The following MTHFD2L variants were observed in gnomAD, a reference collection of about 807,000 sequenced individuals.
MTHFD2L encodes methylenetetrahydrofolate dehydrogenase (NADP+ dependent) 2 like, also known as bifunctional methylenetetrahydrofolate dehydrogenase/cyclohydrolase 2, mitochondrial.
Under a neutral mutation model 34.9 loss-of-function variants are expected in MTHFD2L, and 29 were observed. The observed-to-expected ratio is 0.83, with a 90% CI of 0.62 to 1.13. MTHFD2L has a LOEUF of 1.13. Among genes scored for constraint, MTHFD2L ranks in the 50% most tolerant of loss-of-function variants. MTHFD2L has a pLI of 0.00. For synonymous variants in MTHFD2L, 167 were observed against 155.7 expected (o/e 1.07, Z -0.54); for missense variants, 481 against 446.5 (o/e 1.08, Z -0.70).
intron 3 of MTHFD2L, among the ~76,000 whole-genome samples, chr4:74,196,466 A>G (rs1316766565): frequency 6.6e-6 from 1 of 152,174 alleles, no homozygotes; most frequent in Non-Finnish European, 1.5e-5. Flanking sequence ...AAGCTAAAGG[A>G]CACAATGTTT....
At chr4:74,156,150 T>C (rs1338865600), upstream of MTHFD2L, among the ~76,000 whole-genome samples, 1 of 152,156 alleles carries the variant, frequency 6.6e-6, no homozygotes, top group Non-Finnish European at 1.5e-5. Context: ...TTTTGACAAA[T>C]GCATAGTGTC....
intron 6 of MTHFD2L, among the ~76,000 whole-genome samples, chr4:74,242,940 T>C (rs1003733671): frequency 2.6e-5 from 4 of 152,236 alleles, no homozygotes; most frequent in South Asian, 2.1e-4. Context: ...TCTCTCCTAA[T>C]GTATAACATT....
At chr4:74,160,046 C>T in intron 1 of MTHFD2L, 1 of 1,284,452 alleles carries the variant, frequency 7.8e-7, no homozygotes, top group Non-Finnish European at 1.0e-6. Flanking sequence ...TGTCTCTTTT[C>T]TCTTCTAGGA....
At chr4:74,135,444 T>C (rs1001492986) in intron 1 of MTHFD2L, among the ~76,000 whole-genome samples, 3 of 152,062 alleles carry the variant, frequency 2.0e-5, no homozygotes, top group African/African-American at 7.2e-5. Flanking sequence ...CTACCAATAT[T>C]GAACCATCAA....
chr4:74,175,236 A>T (rs772394733), intron 2 of MTHFD2L, 45 bp from the exon 3 acceptor site: 1 of 1,595,554 alleles, frequency 6.3e-7, no homozygotes, highest in Non-Finnish European at 8.5e-7. Context: ...ATGAAAAACC[A>T]TATTCAGTTA....
chr4:74,121,070 A>G (rs1055849514), upstream of MTHFD2L, among the ~76,000 whole-genome samples: 20 of 152,212 alleles, frequency 1.3e-4, no homozygotes, highest in African/African-American at 4.8e-4. Flanking sequence ...ATTAGCAAAG[A>G]TTTTGAAAAA....
chr4:74,187,517 A>G (rs1373960158), intron 3 of MTHFD2L, among the ~76,000 whole-genome samples: 1 of 152,234 alleles, frequency 6.6e-6, no homozygotes, highest in Non-Finnish European at 1.5e-5. Flanking sequence ...TAGATGTTCA[A>G]CATCATTAGT....
chr4:74,117,578 G>T (rs1721676782), intron 2 of MTHFD2L, among the ~76,000 whole-genome samples: 1 of 152,162 alleles, frequency 6.6e-6, no homozygotes, highest in South Asian at 2.1e-4. Context: ...TTATATGCAG[G>T]ATCTATATAT....
chr4:74,214,694 C>T (rs930759763), intron 5 of MTHFD2L, among the ~76,000 whole-genome samples: 2 of 151,816 alleles, frequency 1.3e-5, no homozygotes, highest in African/African-American at 4.9e-5. Context: ...GGTCAGGGAT[C>T]CACTTGAGGA....
At chr4:74,287,404 G>C (rs2110295872) in intron 7 of MTHFD2L, among the ~76,000 whole-genome samples, 1 of 152,174 alleles carries the variant, frequency 6.6e-6, no homozygotes, top group Non-Finnish European at 1.5e-5. Flanking sequence ...TTATACTTGA[G>C]TATAGGTGAA....
chr4:74,169,971 A>G (rs911377868), intron 1 of MTHFD2L, among the ~76,000 whole-genome samples: 1 of 152,216 alleles, frequency 6.6e-6, no homozygotes, highest in African/African-American at 2.4e-5. Flanking sequence ...ATATTAAGGA[A>G]TTTAAGTTTG....
chr4:74,254,416 C>T lies in MTHFD2L; in HGVS notation c.806-27009C>T, dbSNP rs146982978. 5.3e-5 allele frequency among the ~76,000 whole-genome samples: 8 copies of T among 152,112 alleles called. No individual in the cohort carries two copies. The South Asian group carries it at 6.2e-4, about 12-fold the overall frequency. On this transcript the variant is annotated intron_variant, in intron 6 of 7. Coordinates refer to ENST00000325278, the MANE Select transcript of MTHFD2L (RefSeq NM_001144978.3). ...GTGAATCATCTTAAACAAGAGAACCCGCATAAGATTTCTCAGCAGTGGATT... is the reference window on the plus strand; with the variant it reads ...GTGAATCATCTTAAACAAGAGAACCTGCATAAGATTTCTCAGCAGTGGATT...
At chr4:74,170,879 CA>C (rs751501754) in intron 1 of MTHFD2L, among the ~76,000 whole-genome samples, 1 of 145,474 alleles carries the variant, frequency 6.9e-6, no homozygotes, top group African/African-American at 2.5e-5. Flanking sequence ...ATCGCAAGGA[CA>C]AAAAACCAAA....
intron 1 of MTHFD2L, among the ~76,000 whole-genome samples, chr4:74,172,147 G>A (rs1236603616): frequency 6.6e-6 from 1 of 152,160 alleles, no homozygotes; most frequent in African/African-American, 2.4e-5. Flanking sequence ...GAGGTCAATG[G>A]TTGCCTGGAA....
At chr4:74,181,842 G>A (rs1380617848) in intron 3 of MTHFD2L, 1 of 152,008 alleles carries the variant, frequency 6.6e-6, no homozygotes, top group Non-Finnish European at 1.5e-5. Context: ...TAAAATAATC[G>A]AATAATTAGT....
chr4:74,144,400 C>T lies in MTHFD2L; in HGVS notation c.-296-15655C>T, dbSNP rs981781913. Among the ~76,000 whole-genome samples, 6 of 152,272 alleles carry T rather than the reference C, an allele frequency of 3.9e-5. No homozygotes were observed. The East Asian group carries it at 1.2e-3, about 29-fold the overall frequency. ...CCCAGGAGGCAGAGGTTGCAATGAG[C>T]TGAGATTGTGCCACTGCGCTCCAGC... On this transcript the variant is annotated intron_variant, in intron 1 of 7. Transcript: ENST00000433372.
chr4:74,116,253 C>T (rs573048593), intron 2 of MTHFD2L, among the ~76,000 whole-genome samples: 1 of 152,246 alleles, frequency 6.6e-6, no homozygotes, highest in Admixed American at 6.5e-5. Flanking sequence ...CAGTCTCACA[C>T]CAGGATGGCT....
chr4:74,147,612 T>A (rs181941555), intron 1 of MTHFD2L, among the ~76,000 whole-genome samples: 1 of 152,312 alleles, frequency 6.6e-6, no homozygotes, highest in Admixed American at 6.5e-5. Context: ...GAATCCAAGA[T>A]GGAGAAAAAT....
chr4:74,231,362 C>T (rs1740029619), intron 6 of MTHFD2L, among the ~76,000 whole-genome samples: 1 of 152,036 alleles, frequency 6.6e-6, no homozygotes. Flanking sequence ...TGGAGAAGTT[C>T]CAAGGGGTGG....
Sources: allele counts gnomAD v4.1 joint callset (sites outside exome capture counted in the v4.1 genomes callset), GRCh38; gene constraint gnomAD v4.1.1; transcripts MANE v1.5; gene names NCBI Gene and HGNC (gene_info 2026-07-23, HGNC 2026-07-21).